The following DCC variants were observed in gnomAD, a reference collection of about 807,000 sequenced individuals.
DCC encodes the protein netrin receptor DCC.
In DCC, 58 loss-of-function variants were observed where a neutral mutation model predicts 172.5. That is an observed-to-expected ratio of 0.34 (90% CI 0.27 to 0.42). DCC has a LOEUF of 0.42. Ranked by LOEUF, DCC falls within the 10% of genes least tolerant of loss-of-function variation. DCC has a pLI of 1.00. For synonymous variants in DCC, 709 were observed against 644.5 expected (o/e 1.10, Z -1.52); for missense variants, 1,740 against 1,791.0 (o/e 0.97, Z 0.51).
At chr18:53,279,965 TA>T (rs983849646) in intron 12 of DCC, among the ~76,000 whole-genome samples, 2 of 151,090 alleles carry the variant, frequency 1.3e-5, no homozygotes, top group South Asian at 2.1e-4. Flanking sequence ...AGGGAGATAG[TA>T]AAAAAAAACT....
At chr18:52,623,906 G>A (rs970904521) in intron 1 of DCC, among the ~76,000 whole-genome samples, 5 of 152,120 alleles carry the variant, frequency 3.3e-5, no homozygotes, top group Admixed American at 1.3e-4. Flanking sequence ...AATCAGCAAT[G>A]CACATGTGTG....
intron 1 of DCC, among the ~76,000 whole-genome samples, chr18:52,674,573 T>A (rs2035615833): frequency 6.6e-6 from 1 of 152,098 alleles, no homozygotes; most frequent in Non-Finnish European, 1.5e-5. Context: ...AGTTGACACA[T>A]AAAATTTCCC....
At chr18:52,907,307 C>CATATGGATGTATACATATGT (rs1555680326) in intron 3 of DCC, among the ~76,000 whole-genome samples, 2 of 101,516 alleles carry the variant, frequency 2.0e-5, no homozygotes, top group African/African-American at 7.1e-5. Context: ...TGGATATATA[C>CATATGGATGTATACATATGT]ATATGTATAT....
chr18:53,258,147 C>A (rs1057241267), intron 12 of DCC, among the ~76,000 whole-genome samples: 2 of 152,076 alleles, frequency 1.3e-5, no homozygotes, highest in African/African-American at 4.8e-5. Flanking sequence ...TTTTGTAGAT[C>A]TTTTCAAAAA....
intron 15 of DCC, 93 bp downstream of exon 15, chr18:53,340,000 T>C: frequency 9.0e-7 from 1 of 1,108,480 alleles, no homozygotes; most frequent in South Asian, 1.4e-5. Flanking sequence ...CCTGGTATGA[T>C]GGTTTCAACT....
chr18:53,083,705 C>T (rs1303963784), intron 7 of DCC, among the ~76,000 whole-genome samples: 1 of 152,118 alleles, frequency 6.6e-6, no homozygotes, highest in Non-Finnish European at 1.5e-5. Flanking sequence ...AAAAATCTAG[C>T]TCTTTGTTTA....
At chr18:53,201,117 C>T (rs572759180) in intron 9 of DCC, among the ~76,000 whole-genome samples, 14 of 152,262 alleles carry the variant, frequency 9.2e-5, no homozygotes, top group African/African-American at 3.4e-4. Context: ...CACTGCCTCC[C>T]TTTCCCTTCC....
At chr18:52,704,684 G>C (rs2036177206) in intron 1 of DCC, among the ~76,000 whole-genome samples, 1 of 152,208 alleles carries the variant, frequency 6.6e-6, no homozygotes, top group Admixed American at 6.5e-5. Flanking sequence ...GATTGCAGTT[G>C]TGTTAAACAG....
At chr18:52,876,115 A>T (rs1209884029) in intron 2 of DCC, among the ~76,000 whole-genome samples, 1 of 152,188 alleles carries the variant, frequency 6.6e-6, no homozygotes, top group Non-Finnish European at 1.5e-5. Context: ...GGATATAGGA[A>T]TCCATCAACA....
At chr18:53,464,519 A>G (rs566188225) in intron 24 of DCC, among the ~76,000 whole-genome samples, 3 of 152,306 alleles carry the variant, frequency 2.0e-5, no homozygotes, top group African/African-American at 7.2e-5. Context: ...GACAAGCCAC[A>G]AAGTGTTACT....
At chr18:52,759,730 A>AT (rs1438829070) in intron 2 of DCC, among the ~76,000 whole-genome samples, 1 of 152,250 alleles carries the variant, frequency 6.6e-6, no homozygotes, top group Admixed American at 6.5e-5. Context: ...AAATAATGTA[A>AT]TATCTGTTCC....
At chr18:52,486,008 A>C (rs890057660) in intron 1 of DCC, among the ~76,000 whole-genome samples, 2 of 152,040 alleles carry the variant, frequency 1.3e-5, no homozygotes, top group Admixed American at 1.3e-4. Context: ...GTTTTATTTT[A>C]GTTTTAGAGA....
intron 12 of DCC, among the ~76,000 whole-genome samples, chr18:53,247,486 C>T (rs1015147201): frequency 2.6e-5 from 4 of 151,862 alleles, no homozygotes; most frequent in Non-Finnish European, 5.9e-5. Context: ...CTTACTCTTA[C>T]GAATAGGAAA....
intron 7 of DCC, among the ~76,000 whole-genome samples, chr18:53,152,302 A>C (rs901471956): frequency 6.6e-6 from 1 of 152,180 alleles, no homozygotes; most frequent in South Asian, 2.1e-4. Context: ...TAGGGAATGA[A>C]GGTAGTGGAC....
intron 15 of DCC, among the ~76,000 whole-genome samples, chr18:53,344,683 A>G (rs184436466): frequency 6.6e-6 from 1 of 151,590 alleles, no homozygotes; most frequent in African/African-American, 2.4e-5. Context: ...GTCATGATCC[A>G]TCCACCTCAG....
intron 12 of DCC, among the ~76,000 whole-genome samples, chr18:53,299,830 A>T (rs2057111764): frequency 6.6e-6 from 1 of 152,184 alleles, no homozygotes. Context: ...ATTGTTGGAT[A>T]CATGTCTATT....
rs115656813 is a variant in DCC, at chr18:53,264,696, C to T, written c.1912-40882C>T. Among the ~76,000 whole-genome samples the T allele has an allele frequency of 8.9e-4, 135 of 151,942 alleles. 1 individual carries two copies. The highest frequency in any genetic ancestry group is 3.0e-3 in the African/African-American group (126 of 41,424). Reference sequence around the variant, plus strand: ...AGTGGAAGACAGACCTGCTGCTCAGCGTTTAGATCATTGAAAAGTAGTTGT... The same window carrying T: ...AGTGGAAGACAGACCTGCTGCTCAGTGTTTAGATCATTGAAAAGTAGTTGT... On this transcript the variant is annotated intron_variant, in intron 12 of 28. Coordinates refer to ENST00000442544, the MANE Select transcript of DCC (RefSeq NM_005215.4).
At chr18:53,501,720 G>A (rs2046101752) in intron 27 of DCC, among the ~76,000 whole-genome samples, 1 of 152,124 alleles carries the variant, frequency 6.6e-6, no homozygotes, top group South Asian at 2.1e-4. Flanking sequence ...AGGCTACTAT[G>A]GCTACTTTAA....
chr18:52,415,204 C>G (rs1986978048), intron 1 of DCC, among the ~76,000 whole-genome samples: 1 of 152,130 alleles, frequency 6.6e-6, no homozygotes, highest in Non-Finnish European at 1.5e-5. Context: ...ATAACCTTTT[C>G]ATATATTTTT....
Sources: allele counts gnomAD v4.1 joint callset (sites outside exome capture counted in the v4.1 genomes callset), GRCh38; gene constraint gnomAD v4.1.1; transcripts MANE v1.5; gene names NCBI Gene and HGNC (gene_info 2026-07-23, HGNC 2026-07-21).